The following TTC7A variants were observed in gnomAD, a reference collection of about 807,000 sequenced individuals.
The protein encoded by TTC7A is tetratricopeptide repeat protein 7A.
Under a neutral mutation model 103.7 loss-of-function variants are expected in TTC7A, and 110 were observed. The observed-to-expected ratio is 1.06, with a 90% CI of 0.91 to 1.24. The LOEUF (loss-of-function observed/expected upper bound fraction) is 1.24, where lower values mean the gene tolerates loss of function less well. TTC7A is among the 50% of genes most tolerant of loss of function. TTC7A has a pLI of 0.00. For synonymous variants in TTC7A, 521 were observed against 467.9 expected (o/e 1.11, Z -1.47); for missense variants, 1,340 against 1,116.3 (o/e 1.20, Z -2.86).
At chr2:46,999,447 G>A (rs1676567100) in intron 8 of TTC7A, 2 of 982,238 alleles carry the variant, frequency 2.0e-6, no homozygotes, top group Non-Finnish European at 2.4e-6. Context: ...CCATTCATCT[G>A]TCTATCCACC....
At chr2:46,948,371 G>A (rs984008022) in intron 1 of TTC7A, among the ~76,000 whole-genome samples, 73 of 152,298 alleles carry the variant, frequency 4.8e-4, no homozygotes, top group African/African-American at 1.7e-3. Context: ...TTTGATGTAC[G>A]TTGCCAAATT....
At chr2:46,953,206 T>G (rs1356077136) in intron 2 of TTC7A, among the ~76,000 whole-genome samples, 1 of 152,256 alleles carries the variant, frequency 6.6e-6, no homozygotes, top group East Asian at 1.9e-4. Flanking sequence ...CAGGCTGGAG[T>G]GCAGTGGCGT....
Position 47,076,077 on chromosome 2 carries a change from C to T in TTC7A, c.*2154C>T, listed in dbSNP as rs974310776. Reference sequence around the variant, plus strand: ...ACCCCTAATAAGTTATGCCACATACCAACGTACTGTGGATATTATAACCTG... The same window carrying T: ...ACCCCTAATAAGTTATGCCACATACTAACGTACTGTGGATATTATAACCTG... On this transcript the variant is annotated 3_prime_UTR_variant, in exon 20 of 20. Transcript: ENST00000319190. 2 of 152,210 alleles carry T rather than the reference C, an allele frequency of 1.3e-5. No individual in the cohort carries two copies. The highest frequency in any genetic ancestry group is 4.8e-5 in the African/African-American group (2 of 41,404). The allele number at this position is 152,210 out of a possible 1,614,324, so 9.4% of individuals were successfully genotyped here. A position where few individuals can be genotyped will look rare whatever the true frequency, so the allele number is the denominator to read the frequency against.
intron 19 of TTC7A, among the ~76,000 whole-genome samples, chr2:47,061,581 G>A (rs1277492531): frequency 6.6e-6 from 1 of 152,194 alleles, no homozygotes; most frequent in Non-Finnish European, 1.5e-5. Flanking sequence ...TGGCCTCCCT[G>A]TGGGAAGCTC....
intron 2 of TTC7A, among the ~76,000 whole-genome samples, chr2:46,932,955 C>G (rs897715087): frequency 6.6e-6 from 1 of 151,540 alleles, no homozygotes; most frequent in Non-Finnish European, 1.5e-5. Context: ...CTCAAAACTG[C>G]TATAATCTCT....
intron 18 of TTC7A, among the ~76,000 whole-genome samples, chr2:47,053,585 T>TGG (rs60820168): frequency 6.6e-6 from 1 of 151,122 alleles, no homozygotes; most frequent in Non-Finnish European, 1.5e-5. Context: ...GTTGGTTGGT[T>TGG]TTTTGAGGCA....
intron 14 of TTC7A, among the ~76,000 whole-genome samples, chr2:47,027,859 C>T (rs1487581475): frequency 6.9e-6 from 1 of 145,380 alleles, no homozygotes; most frequent in African/African-American, 2.7e-5. Flanking sequence ...CTATAGTCAC[C>T]AGGACTGGCA....
At chr2:46,932,501 A>G (rs1315571134) in intron 2 of TTC7A, among the ~76,000 whole-genome samples, 1 of 152,190 alleles carries the variant, frequency 6.6e-6, no homozygotes, top group East Asian at 1.9e-4. Context: ...TTGCTGTATA[A>G]TGATTACATC....
intron 8 of TTC7A, chr2:46,999,810 C>T: frequency 2.0e-6 from 2 of 985,414 alleles, no homozygotes; most frequent in Non-Finnish European, 2.4e-6. Context: ...CCTTGGATCC[C>T]TGTTTCATTC....
intron 2 of TTC7A, among the ~76,000 whole-genome samples, chr2:46,952,211 G>T (rs868845719): frequency 3.4e-4 from 52 of 151,958 alleles, no homozygotes; most frequent in Middle Eastern, 3.2e-3. Context: ...GGTTTGTATT[G>T]GGTTAAAATA....
At chr2:47,014,742 G>A (rs180732312) in intron 11 of TTC7A, among the ~76,000 whole-genome samples, 1 of 152,246 alleles carries the variant, frequency 6.6e-6, no homozygotes. Context: ...CCCATGAGCA[G>A]GGGACAGAAA....
rs139613528 is a variant in TTC7A at position 47,014,017 on chromosome 2, A to T, written c.1392+2582A>T. On this transcript the variant is annotated intron_variant, in intron 11 of 19. Transcript: ENST00000319190. ...CTGTCTTGGATACAGATCACATCAC[A>T]TTGTGATCATCTGTGTTTCTTGAGT... 2.1e-3 allele frequency among the ~76,000 whole-genome samples: 327 copies of T among 152,252 alleles called. 1 individual carries two copies. The highest frequency in any genetic ancestry group is 7.0e-3 in the African/African-American group (290 of 41,526).
chr2:47,053,959 C>T (rs1036654052), intron 18 of TTC7A: 4 of 196,814 alleles, frequency 2.0e-5, no homozygotes, highest in Non-Finnish European at 3.7e-5. Context: ...GGGATGTTAG[C>T]ATGTGCTGAT....
intron 2 of TTC7A, among the ~76,000 whole-genome samples, chr2:46,919,665 T>C (rs1668996744): frequency 6.6e-6 from 1 of 152,242 alleles, no homozygotes; most frequent in Non-Finnish European, 1.5e-5. Context: ...AGTCTCTTGC[T>C]GTTGGGCCCT....
At chr2:46,976,076 G>A (rs1048039038) in intron 4 of TTC7A, among the ~76,000 whole-genome samples, 6 of 151,528 alleles carry the variant, frequency 4.0e-5, no homozygotes, top group African/African-American at 1.5e-4. Flanking sequence ...TGCCATGAGG[G>A]GCCCTTGGTT....
At chr2:46,939,865 G>T (rs1670186897), upstream of TTC7A, among the ~76,000 whole-genome samples, 1 of 152,216 alleles carries the variant, frequency 6.6e-6, no homozygotes, top group South Asian at 2.1e-4. Context: ...CAGACTGCTT[G>T]ACTAAACTGT....
rs929028628 is a variant in TTC7A at position 46,967,404 on chromosome 2, A to C, written c.518-7569A>C. 3.3e-5 allele frequency among the ~76,000 whole-genome samples: 5 copies of C among 152,260 alleles called. No individual in the cohort carries two copies. The East Asian group carries it at 9.6e-4, about 29-fold the overall frequency. On this transcript the variant is annotated intron_variant, in intron 3 of 19. Transcript: ENST00000319190. The stretch of plus-strand genomic sequence containing the variant: ...AAAATTCTATGCCCGTGAAACAGCA[A>C]CGCCCCATTCCCTCCTCCCCTAACC...
intron 11 of TTC7A, among the ~76,000 whole-genome samples, chr2:47,018,559 G>T (rs1678930090): frequency 6.8e-6 from 1 of 147,516 alleles, no homozygotes; most frequent in Non-Finnish European, 1.5e-5. Flanking sequence ...ACGCCAGCTT[G>T]GGATACAGAG....
chr2:46,990,919 T>G (rs979957101), intron 5 of TTC7A, among the ~76,000 whole-genome samples: 1 of 151,782 alleles, frequency 6.6e-6, no homozygotes, highest in Admixed American at 6.6e-5. Context: ...GGTTGGTTGG[T>G]TGGTTTGTTT....
Sources: gnomAD v4.1 joint callset for allele counts (sites outside exome capture counted in the v4.1 genomes callset) on GRCh38, gnomAD v4.1.1 for gene constraint, MANE v1.5 for transcripts, NCBI Gene and HGNC (gene_info 2026-07-23, HGNC 2026-07-21) for gene names.